The following ASCC3 variants were observed in gnomAD, a reference collection of about 807,000 sequenced individuals.
The protein encoded by ASCC3 is activating signal cointegrator 1 complex subunit 3.
Under a neutral mutation model 256.3 loss-of-function variants are expected in ASCC3, and 158 were observed. The ratio of observed to expected loss-of-function variants is 0.62; its 90% confidence interval spans 0.54 to 0.70. The LOEUF is 0.70. Among genes scored for constraint, ASCC3 ranks in the 30% least tolerant of loss-of-function variants. The probability of loss-of-function intolerance (pLI) is 0.00; values close to 1 mark genes in which losing one functional copy is unlikely to be tolerated. For missense variants in ASCC3, 2,259 were observed against 2,626.0 expected (o/e 0.86, Z 3.05); for synonymous variants, 948 against 883.4 (o/e 1.07, Z -1.30).
intron 13 of ASCC3, among the ~76,000 whole-genome samples, chr6:100,688,002 G>GAAA (rs200232752): frequency 4.3e-5 from 6 of 140,900 alleles, no homozygotes; most frequent in South Asian, 2.2e-4. Context: ...TCAAGGCTCA[G>GAAA]AAAAAAAAAA....
In ASCC3 at chr6:100,510,381, T is replaced by C. The variant is rs1436176581; in HGVS notation, c.6286-274A>G. 30 of 375,430 alleles carry C rather than the reference T, an allele frequency of 8.0e-5. No homozygotes were observed. In the South Asian group the frequency reaches 1.3e-3, roughly 17 times the overall value. The allele number at this position is 375,430 out of a possible 1,614,324, so 23.3% of individuals were successfully genotyped here. A position where few individuals can be genotyped will look rare whatever the true frequency, so the allele number is the denominator to read the frequency against. ...GCCAGTTAGAATAAAAAACTCTGGA[T>C]CTTGACATCAAATTAGCAAATTCTC... On this transcript the variant is annotated intron_variant, in intron 40 of 41. Transcript: ENST00000369162.
At position 100,738,925 on chromosome 6, in the gene ASCC3, C is replaced by G. The variant is rs1189054478; in HGVS notation, c.1738-13222G>C. On this transcript the variant is annotated intron_variant, in intron 10 of 41. Transcript: ENST00000369162. ...ACTTCTTCTCTTCCTATATGAATACCCTTTATTTCATTATCTTGCCTGATT... is the reference window on the plus strand; with the variant it reads ...ACTTCTTCTCTTCCTATATGAATACGCTTTATTTCATTATCTTGCCTGATT... Among the ~76,000 whole-genome samples the G allele has an allele frequency of 3.3e-5, 5 of 151,984 alleles. No individual in the cohort carries two copies. The East Asian group carries it at 7.7e-4, about 23-fold the overall frequency.
In ASCC3 at chr6:100,679,645, T is replaced by C. The variant is rs1777195001; in HGVS notation, c.2259A>G (p.Gly753=). Residue 753 remains glycine (G), a synonymous_variant, in exon 14 of 42, where the codon GGA becomes GGG. Coordinates refer to ENST00000369162, the MANE Select transcript of ASCC3 (RefSeq NM_006828.4). Reference sequence around the variant, plus strand: ...GTTTTTCTGCAAGTACATAGTCATGTCCTTGGGTAGGAAAAAAGAAGGGAA... The same window carrying C: ...GTTTTTCTGCAAGTACATAGTCATGCCCTTGGGTAGGAAAAAAGAAGGGAA... The part of the protein sequence containing the change: ...GHIPFFFPTQ[G]HDYVLAEKQV... The C allele has an allele frequency of 1.9e-6, 3 of 1,613,688 alleles. No homozygotes were observed. The highest frequency in any genetic ancestry group is 1.3e-5 in the African/African-American group (1 of 75,050).
intron 13 of ASCC3, among the ~76,000 whole-genome samples, chr6:100,688,644 A>G (rs1283509225): frequency 6.6e-6 from 1 of 152,138 alleles, no homozygotes; most frequent in African/African-American, 2.4e-5. Flanking sequence ...ATCACTGCCT[A>G]TCTTTTATTT....
chr6:100,757,269 C>T (rs1201481250), intron 10 of ASCC3, among the ~76,000 whole-genome samples: 1 of 151,758 alleles, frequency 6.6e-6, no homozygotes. Flanking sequence ...CACACACACA[C>T]CACCAACAAC....
chr6:100,665,800 G>A (rs1051309480), intron 14 of ASCC3, among the ~76,000 whole-genome samples: 2 of 151,696 alleles, frequency 1.3e-5, no homozygotes, highest in African/African-American at 4.8e-5. Flanking sequence ...TGAGGCCCAG[G>A]GATGTTCCTC....
At chr6:100,539,709 T>C (rs1775347896) in intron 37 of ASCC3, among the ~76,000 whole-genome samples, 1 of 152,172 alleles carries the variant, frequency 6.6e-6, no homozygotes, top group African/African-American at 2.4e-5. Context: ...CTGAATACCA[T>C]ATTAAAAAAT....
intron 30 of ASCC3, among the ~76,000 whole-genome samples, chr6:100,621,939 G>A (rs773139260): frequency 2.0e-5 from 3 of 152,112 alleles, no homozygotes; most frequent in Non-Finnish European, 4.4e-5. Context: ...TCCTTTGCAG[G>A]GGCATGGATG....
intron 13 of ASCC3, among the ~76,000 whole-genome samples, chr6:100,696,925 G>A (rs1778113015): frequency 6.6e-6 from 1 of 152,102 alleles, no homozygotes; most frequent in Admixed American, 6.5e-5. Flanking sequence ...TATGCACACT[G>A]TAATATGATA....
intron 8 of ASCC3, among the ~76,000 whole-genome samples, chr6:100,797,484 A>AT (rs1769685043): frequency 6.8e-6 from 1 of 148,022 alleles, no homozygotes; most frequent in Non-Finnish European, 1.5e-5. Context: ...AAATGAAAAA[A>AT]AAAAAAAACT....
chr6:100,564,283 C>T (rs1302265054), intron 36 of ASCC3, among the ~76,000 whole-genome samples: 1 of 152,104 alleles, frequency 6.6e-6, no homozygotes, highest in African/African-American at 2.4e-5. Context: ...AGTCACTCTA[C>T]TGAGCTACTG....
At position 100,718,314 on chromosome 6, in the gene ASCC3, A is replaced by G. The variant is rs1779176894; in HGVS notation, c.1903-63T>C. On this transcript the variant is annotated intron_variant, in intron 11 of 41. Transcript: ENST00000369162. Reference sequence around the variant, plus strand: ...ATTAATTTAACCAAAAAACATTATAATTTGTCCTATTAATAGGACTTCTAA... The same window carrying G: ...ATTAATTTAACCAAAAAACATTATAGTTTGTCCTATTAATAGGACTTCTAA... 2.2e-6 allele frequency: 3 copies of G among 1,385,974 alleles called. No individual in the cohort carries two copies. The Admixed American group carries it at 6.1e-5, about 28-fold the overall frequency. 85.9% of individuals were successfully genotyped at this position (1,385,974 alleles called of 1,614,324 possible).
At chr6:100,663,098 T>C (rs1776303463) in intron 14 of ASCC3, among the ~76,000 whole-genome samples, 1 of 152,054 alleles carries the variant, frequency 6.6e-6, no homozygotes. Context: ...ATGCTTCCCC[T>C]ATGATATTCC....
intron 22 of ASCC3, 67 bp from the exon 23 acceptor site, chr6:100,644,196 T>C: frequency 9.5e-7 from 1 of 1,049,698 alleles, no homozygotes; most frequent in Non-Finnish European, 1.5e-6. Flanking sequence ...CATCCAATCT[T>C]CTCACTCTAG....
chr6:100,663,865 A>T (rs1044728164), intron 14 of ASCC3, among the ~76,000 whole-genome samples: 30 of 152,226 alleles, frequency 2.0e-4, no homozygotes, highest in African/African-American at 7.2e-4. Context: ...CACTTAATTG[A>T]CACCAATCAA....
At position 100,757,449 on chromosome 6, in the gene ASCC3, T is replaced by A. The variant is rs138397781; in HGVS notation, c.1737+9116A>T. ...GCTCTTACCAAAGTAACAATAAAAA[T>A]CCAGAGAGACTTAAGACTTAAATCT... On this transcript the variant is annotated intron_variant, in intron 10 of 41. Transcript: ENST00000369162. 5.1e-3 allele frequency among the ~76,000 whole-genome samples: 768 copies of A among 149,678 alleles called. 4 individuals carry two copies. Among genetic ancestry groups the A allele is most frequent in the Middle Eastern group, 0.041 (12 of 292 alleles).
At chr6:100,743,415 T>C (rs921196677) in intron 10 of ASCC3, among the ~76,000 whole-genome samples, 3 of 152,182 alleles carry the variant, frequency 2.0e-5, no homozygotes, top group Non-Finnish European at 2.9e-5. Flanking sequence ...TCTTGACTCA[T>C]AGATTTTTAT....
At chr6:100,581,223 C>A (rs1048093520) in intron 36 of ASCC3, among the ~76,000 whole-genome samples, 1 of 152,224 alleles carries the variant, frequency 6.6e-6, no homozygotes, top group African/African-American at 2.4e-5. Context: ...TCCTATATCT[C>A]CACATGTTCT....
At position 100,798,743 on chromosome 6, in the gene ASCC3, T is replaced by C. The variant is rs758671429; in HGVS notation, c.1365A>G (p.Glu455=). 4 of 1,613,114 alleles carry C rather than the reference T, an allele frequency of 2.5e-6. No homozygotes were observed. Among genetic ancestry groups the C allele is most frequent in the South Asian group, 1.1e-5 (1 of 91,076 alleles). ...YSEPMPLSFE[E]KPVYIQDLDE... is the part of the protein sequence containing the mutation. ...CTAAGTCTTGGATATAAACTGGCTTTTCCTCAAAGCTGAGTGGCATTGGTT... is the reference window on the plus strand; with the variant it reads ...CTAAGTCTTGGATATAAACTGGCTTCTCCTCAAAGCTGAGTGGCATTGGTT... Residue 455 remains glutamate, a synonymous_variant, in exon 8 of 42, where the codon GAA becomes GAG. Coordinates refer to ENST00000369162, the MANE Select transcript of ASCC3 (RefSeq NM_006828.4).
Sources: gnomAD v4.1 joint callset for allele counts (sites outside exome capture counted in the v4.1 genomes callset) on GRCh38, gnomAD v4.1.1 for gene constraint, MANE v1.5 for transcripts, NCBI Gene and HGNC (gene_info 2026-07-23, HGNC 2026-07-21) for gene names.